Variants in MAX observed in about 807,000 individuals in gnomAD.
The protein encoded by MAX is protein max.
Under a neutral mutation model 22.3 loss-of-function variants are expected in MAX, and 3 were observed. The ratio of observed to expected loss-of-function variants is 0.13; its 90% CI spans 0.06 to 0.35. The LOEUF (loss-of-function observed/expected upper bound fraction) is 0.35. MAX is among the 10% of genes least tolerant of loss of function. The probability of loss-of-function intolerance (pLI) is 1.00; values close to 1 mark genes in which losing one functional copy is unlikely to be tolerated. For synonymous variants in MAX, 72 were observed against 77.7 expected (o/e 0.93, Z 0.39); for missense variants, 119 against 209.4 (o/e 0.57, Z 2.66).
chr14:65,068,623 A>G (rs1265624561), intron 3 of MAX, among the ~76,000 whole-genome samples: 1 of 151,544 alleles, frequency 6.6e-6, no homozygotes, highest in African/African-American at 2.4e-5. Flanking sequence ...TGTTGCTCAA[A>G]TTGTTGCAGT....
At chr14:65,095,522 A>G (rs753111745) in intron 2 of MAX, among the ~76,000 whole-genome samples, 4 of 152,188 alleles carry the variant, frequency 2.6e-5, no homozygotes, top group Non-Finnish European at 4.4e-5. Context: ...AACCTATTTA[A>G]GTATCTAGTC....
downstream of MAX, among the ~76,000 whole-genome samples, chr14:65,070,736 G>A (rs2062979490): frequency 6.6e-6 from 1 of 152,184 alleles, no homozygotes. This position sits in a 1 kb window ranked among gnomAD's most constrained non-coding sequence, Gnocchi z 4.4. Flanking sequence ...CTGCTCAAGG[G>A]GTCCCTGAAG....
At chr14:65,067,650 AG>A (rs2062944564) in intron 3 of MAX, among the ~76,000 whole-genome samples, 1 of 149,984 alleles carries the variant, frequency 6.7e-6, no homozygotes, top group East Asian at 1.9e-4. Context: ...TCCAAGAGAC[AG>A]TGTCTTGCTC....
intron 3 of MAX, among the ~76,000 whole-genome samples, chr14:65,089,277 C>T (rs2063430700): frequency 1.3e-5 from 2 of 152,182 alleles, no homozygotes; most frequent in Non-Finnish European, 2.9e-5. Flanking sequence ...GTGATAGGAA[C>T]TGACAGAGGC....
At chr14:65,026,804 A>G (rs895734962) in intron 3 of MAX, among the ~76,000 whole-genome samples, 6 of 151,904 alleles carry the variant, frequency 3.9e-5, no homozygotes, top group Non-Finnish European at 7.4e-5. Flanking sequence ...GGATGCTGCA[A>G]TGAGCTGAGA....
chr14:65,021,994 C>T (rs1233321571), intron 3 of MAX: 2 of 455,892 alleles, frequency 4.4e-6, no homozygotes, highest in African/African-American at 4.0e-5. Context: ...CAGCAGCCAT[C>T]CAGAGACTTG....
Position 65,077,741 on chromosome 14 carries a change from T to C in MAX, c.295+172A>G. On this transcript the variant is annotated intron_variant, in intron 4 of 4. Transcript: ENST00000358664. The surrounding 1 kb of genome is among the most constrained non-coding windows in gnomAD (Gnocchi z 6.3). ...ACTGTCTCCTCACTGGCGCCTCAGG[T>C]CCTTCCTCAGGACGGCTCTAACACT... 6.2e-7 allele frequency: 1 copy of C among 1,607,520 alleles called. No individual in the cohort carries two copies. Among genetic ancestry groups the C allele is most frequent in the Non-Finnish European group, 8.5e-7 (1 of 1,177,778 alleles).
chr14:65,093,556 C>T lies in MAX; in HGVS notation c.171+152G>A, dbSNP rs1192510404. 3 of 687,594 alleles carry T rather than the reference C, an allele frequency of 4.4e-6. No individual in the cohort carries two copies. Among genetic ancestry groups the T allele is most frequent in the Middle Eastern group, 3.6e-4 (1 of 2,772 alleles). 42.6% of individuals were successfully genotyped at this position (687,594 alleles called of 1,614,324 possible). A position where few individuals can be genotyped will look rare whatever the true frequency, so the allele number is the denominator to read the frequency against. On this transcript the variant is annotated intron_variant, in intron 3 of 4. Coordinates refer to ENST00000358664, the MANE Select transcript of MAX (RefSeq NM_002382.5). The surrounding 1 kb of genome is among the most constrained non-coding windows in gnomAD (Gnocchi z 4.4). ...GATAAACTGGAGTACGTAAGGTGTG[C>T]AGTGATCCTCCAAACAGTCAAAAAT...
intron 2 of MAX, 79 bp downstream of exon 2, chr14:65,101,467 C>T (rs2063830351): frequency 1.6e-6 from 2 of 1,248,574 alleles, no homozygotes; most frequent in Admixed American, 1.9e-5. Context: ...AGTAATAGTA[C>T]GATCTCTTTT....
intron 2 of MAX, among the ~76,000 whole-genome samples, chr14:65,099,726 G>C (rs1478485726): frequency 6.6e-6 from 1 of 151,934 alleles, no homozygotes; most frequent in East Asian, 1.9e-4. Context: ...CAACAGACTA[G>C]GCCCCAAACA....
rs1290254230 is a variant in MAX at position 65,012,779 on chromosome 14, G to A, written c.172-6495C>T. 1.3e-5 allele frequency among the ~76,000 whole-genome samples: 2 copies of A among 152,316 alleles called. No homozygotes were observed. Among genetic ancestry groups the A allele is most frequent in the Middle Eastern group, 3.4e-3 (1 of 294 alleles). On this transcript the variant is annotated intron_variant, in intron 3 of 3. Transcript: ENST00000341653. The surrounding 1 kb of genome is among the most constrained non-coding windows in gnomAD (Gnocchi z 5.0). ...GAGGACTATTGTCCAAACCTGTTAA[G>A]TCTGTATCGTGATGGTTACAAATTT...
intron 3 of MAX, chr14:65,083,666 C>T: frequency 1.0e-6 from 1 of 954,252 alleles, no homozygotes; most frequent in Non-Finnish European, 1.3e-6. Context: ...TGCCAGTGGG[C>T]TGATGTTACA....
Position 65,012,437 on chromosome 14 carries a change from C to T in MAX, c.172-6153G>A. 1.2e-6 allele frequency: 2 copies of T among 1,610,026 alleles called. No homozygotes were observed. Among genetic ancestry groups the T allele is most frequent in the Non-Finnish European group, 1.7e-6 (2 of 1,176,696 alleles). ...CTTGCTGTCAAATTATCCACCAAAT[C>T]CTCCTCCTTTTTCTATTTAAACGTA... On this transcript the variant is annotated intron_variant, in intron 3 of 3. Coordinates refer to the MAX transcript ENST00000341653. This position sits in a 1 kb window ranked among gnomAD's most constrained non-coding sequence, Gnocchi z 5.0.
At chr14:65,022,801 A>G (rs1000951374) in intron 3 of MAX, among the ~76,000 whole-genome samples, 4 of 152,120 alleles carry the variant, frequency 2.6e-5, no homozygotes, top group Non-Finnish European at 4.4e-5. Flanking sequence ...AAGCATTTTT[A>G]TTGTTGTTCT....
At chr14:65,058,230 TA>T (rs2062784421) in intron 3 of MAX, among the ~76,000 whole-genome samples, 1 of 151,846 alleles carries the variant, frequency 6.6e-6, no homozygotes, top group Admixed American at 6.5e-5. Flanking sequence ...GTGTTTTTTT[TA>T]TAATTTTTTC....
rs536904769 is a variant in MAX at position 65,088,997 on chromosome 14, G to A, written c.171+4711C>T. 6.6e-6 allele frequency among the ~76,000 whole-genome samples: 1 copy of A among 152,236 alleles called. No homozygotes were observed. The highest frequency in any genetic ancestry group is 1.9e-4 in the East Asian group (1 of 5,190). ...GAAACTGAGATTAACTCAATGTAAA[G>A]CTCTTATCTGATGCTCAGCATGTTA... On this transcript the variant is annotated intron_variant, in intron 3 of 4. Transcript: ENST00000358664. The surrounding 1 kb of genome is among the most constrained non-coding windows in gnomAD (Gnocchi z 5.2).
chr14:65,032,464 C>A lies in MAX; in HGVS notation c.172-26180G>T. Reference sequence around the variant, plus strand: ...GAATGTCACACCTCTCAGTTGGAGACCCAGGAGGACTGACCGTGTGCCAAG... The same window carrying A: ...GAATGTCACACCTCTCAGTTGGAGAACCAGGAGGACTGACCGTGTGCCAAG... On this transcript the variant is annotated intron_variant, in intron 3 of 3. Coordinates refer to the MAX transcript ENST00000341653. The surrounding 1 kb of genome is among the most constrained non-coding windows in gnomAD (Gnocchi z 5.0). 1 of 701,180 alleles carries A rather than the reference C, an allele frequency of 1.4e-6. No homozygotes were observed. Among genetic ancestry groups the A allele is most frequent in the Non-Finnish European group, 2.2e-6 (1 of 452,082 alleles). The allele number at this position is 701,180 out of a possible 1,614,324, so 43.4% of individuals were successfully genotyped here. A position where few individuals can be genotyped will look rare whatever the true frequency, so the allele number is the denominator to read the frequency against.
In MAX at chr14:65,009,004, A is replaced by G. The variant is rs1458821203; in HGVS notation, c.172-2720T>C. 6.6e-6 allele frequency among the ~76,000 whole-genome samples: 1 copy of G among 152,166 alleles called. No individual in the cohort carries two copies. Among genetic ancestry groups the G allele is most frequent in the Non-Finnish European group, 1.5e-5 (1 of 68,018 alleles). On this transcript the variant is annotated intron_variant, in intron 3 of 3. Coordinates refer to the MAX transcript ENST00000341653. The surrounding 1 kb of genome is among the most constrained non-coding windows in gnomAD (Gnocchi z 4.2). The stretch of plus-strand genomic sequence containing the variant: ...CTGCATCCCACCCTGCACCCCCTCA[A>G]GTCCTGCACGAAACCTGTCTTATTC...
intron 3 of MAX, among the ~76,000 whole-genome samples, chr14:65,056,223 G>A (rs1469013486): frequency 6.6e-6 from 1 of 152,006 alleles, no homozygotes; most frequent in Non-Finnish European, 1.5e-5. Flanking sequence ...GTTTATCTGT[G>A]TTCACATGTG....
Sources: allele counts gnomAD v4.1 joint callset (sites outside exome capture counted in the v4.1 genomes callset), GRCh38; gene constraint gnomAD v4.1.1; non-coding constraint Gnocchi (gnomAD v3.1); transcripts MANE v1.5; gene names NCBI Gene and HGNC (gene_info 2026-07-23, HGNC 2026-07-21).